BBOX1: variants seen among roughly 807,000 people sequenced by gnomAD.
BBOX1 encodes the protein gamma-butyrobetaine dioxygenase.
A neutral mutation model predicts 41.6 loss-of-function variants in BBOX1; 35 were observed. That is an observed-to-expected ratio of 0.84 (90% CI 0.64 to 1.11). BBOX1 has a LOEUF of 1.11. Among genes scored for constraint, BBOX1 ranks in the 50% most tolerant of loss-of-function variants. The pLI is 0.00. For synonymous variants in BBOX1, 163 were observed against 154.7 expected (o/e 1.05, Z -0.40); for missense variants, 458 against 460.6 (o/e 0.99, Z 0.05).
intron 5 of BBOX1, among the ~76,000 whole-genome samples, chr11:27,101,672 T>C (rs1858663265): frequency 2.0e-5 from 3 of 152,138 alleles, no homozygotes. Context: ...TAAAAATAAA[T>C]GTACAACAAA....
chr11:27,046,929 A>G (rs370504930), intron 2 of BBOX1, among the ~76,000 whole-genome samples: 1 of 143,860 alleles, frequency 7.0e-6, no homozygotes, highest in Non-Finnish European at 1.5e-5. Context: ...TTTTTTTTTT[A>G]ATTTTCATCA....
chr11:27,054,927 A>T (rs1268715133), intron 2 of BBOX1, among the ~76,000 whole-genome samples: 3 of 152,240 alleles, frequency 2.0e-5, no homozygotes, highest in Non-Finnish European at 4.4e-5. Context: ...CTCTTCATAA[A>T]GACGAGTTTA....
intron 8 of BBOX1, among the ~76,000 whole-genome samples, chr11:27,126,647 T>C (rs1192707366): frequency 6.6e-6 from 1 of 151,838 alleles, no homozygotes; most frequent in Non-Finnish European, 1.5e-5. Flanking sequence ...TCTGAAGCTG[T>C]TAAACTGAGA....
At chr11:27,043,609 A>G (rs1851408753) in intron 2 of BBOX1, among the ~76,000 whole-genome samples, 1 of 151,934 alleles carries the variant, frequency 6.6e-6, no homozygotes. Flanking sequence ...CTACCCCGCC[A>G]CAGGCCCTGG....
chr11:27,054,165 A>G (rs988997501), intron 2 of BBOX1, among the ~76,000 whole-genome samples: 1 of 149,754 alleles, frequency 6.7e-6, no homozygotes, highest in African/African-American at 2.4e-5. Flanking sequence ...TGCCTATTGC[A>G]GTGCCTGGAA....
chr11:27,045,226 G>A (rs1272816385), intron 2 of BBOX1, among the ~76,000 whole-genome samples: 1 of 152,044 alleles, frequency 6.6e-6, no homozygotes, highest in Non-Finnish European at 1.5e-5. Flanking sequence ...TTGGCTCTCT[G>A]TTTGTCTGTT....
At chr11:27,088,084 G>A (rs890041480) in intron 4 of BBOX1, among the ~76,000 whole-genome samples, 1 of 151,900 alleles carries the variant, frequency 6.6e-6, no homozygotes, top group East Asian at 1.9e-4. Context: ...TTATAGGTGA[G>A]TGTGTGTGGG....
chr11:27,073,783 A>G (rs1857542868), intron 4 of BBOX1, among the ~76,000 whole-genome samples: 1 of 152,128 alleles, frequency 6.6e-6, no homozygotes, highest in African/African-American at 2.4e-5. Flanking sequence ...GCAGCTGGAA[A>G]CCATCATTCT....
intron 4 of BBOX1, among the ~76,000 whole-genome samples, chr11:27,081,132 G>A (rs78715424): frequency 6.6e-6 from 1 of 152,080 alleles, no homozygotes; most frequent in Non-Finnish European, 1.5e-5. Flanking sequence ...GATCATATCA[G>A]ATGTAGCCTT....
At chr11:27,059,576 C>T (rs1041137288) in intron 4 of BBOX1, among the ~76,000 whole-genome samples, 2 of 152,162 alleles carry the variant, frequency 1.3e-5, no homozygotes, top group African/African-American at 4.8e-5. Context: ...CCACCGCCAG[C>T]ATGCATACTC....
intron 7 of BBOX1, among the ~76,000 whole-genome samples, chr11:27,123,279 C>T (rs1016424810): frequency 6.6e-6 from 1 of 151,952 alleles, no homozygotes; most frequent in African/African-American, 2.4e-5. Flanking sequence ...AAAGCCTAAT[C>T]TAGTATACCA....
chr11:27,119,055 C>T (rs1277531390), intron 6 of BBOX1, among the ~76,000 whole-genome samples: 1 of 152,016 alleles, frequency 6.6e-6, no homozygotes, highest in Non-Finnish European at 1.5e-5. Flanking sequence ...AAAAGCCCTT[C>T]ATCTGATATT....
At chr11:27,096,313 A>T (rs1858436807) in intron 5 of BBOX1, among the ~76,000 whole-genome samples, 1 of 152,034 alleles carries the variant, frequency 6.6e-6, no homozygotes, top group Non-Finnish European at 1.5e-5. Flanking sequence ...TCCACTGGAA[A>T]AGTATCTTAC....
intron 7 of BBOX1, among the ~76,000 whole-genome samples, chr11:27,124,806 G>A (rs567381574): frequency 3.3e-5 from 5 of 152,288 alleles, no homozygotes; most frequent in African/African-American, 1.2e-4. Context: ...TTACAGGTGT[G>A]AGCCACCGTG....
chr11:27,090,325 A>T (rs191758713), intron 4 of BBOX1, among the ~76,000 whole-genome samples: 1 of 152,080 alleles, frequency 6.6e-6, no homozygotes, highest in African/African-American at 2.4e-5. Flanking sequence ...GCTGGGGGTG[A>T]CATCGCATAT....
chr11:27,065,321 C>T (rs1349011041), intron 4 of BBOX1, among the ~76,000 whole-genome samples: 1 of 152,094 alleles, frequency 6.6e-6, no homozygotes, highest in East Asian at 1.9e-4. Context: ...TGAATGTGTA[C>T]CTTGCTTCAT....
intron 2 of BBOX1, among the ~76,000 whole-genome samples, chr11:27,050,270 T>G (rs1851630460): frequency 6.6e-6 from 1 of 152,170 alleles, no homozygotes; most frequent in Non-Finnish European, 1.5e-5. Context: ...TATGATATTT[T>G]GGGATCTGAT....
intron 5 of BBOX1, among the ~76,000 whole-genome samples, chr11:27,108,551 G>T (rs182740745): frequency 1.3e-5 from 2 of 152,130 alleles, no homozygotes; most frequent in Non-Finnish European, 2.9e-5. Flanking sequence ...TCTATGGAGT[G>T]ACATGAACTT....
chr11:27,109,696 G>A (rs1408186701), intron 5 of BBOX1, among the ~76,000 whole-genome samples: 1 of 152,014 alleles, frequency 6.6e-6, no homozygotes, highest in Admixed American at 6.6e-5. Context: ...GATCAGCAGC[G>A]CTGAATTCTA....
Sources: allele counts gnomAD v4.1 joint callset (sites outside exome capture counted in the v4.1 genomes callset), GRCh38; gene constraint gnomAD v4.1.1; transcripts MANE v1.5; gene names NCBI Gene and HGNC (gene_info 2026-07-23, HGNC 2026-07-21).